Variants in DCC observed in about 807,000 individuals in gnomAD.
DCC encodes DCC netrin 1 receptor, also known as netrin receptor DCC.
Under a neutral mutation model 172.5 loss-of-function variants are expected in DCC, and 58 were observed. The observed-to-expected ratio is 0.34, with a 90% CI of 0.27 to 0.42. The LOEUF is 0.42. Among genes scored for constraint, DCC ranks in the 10% least tolerant of loss-of-function variants. The pLI is 1.00. For missense variants in DCC, 1,740 were observed against 1,791.0 expected (o/e 0.97, Z 0.51); for synonymous variants, 709 against 644.5 (o/e 1.10, Z -1.52).
chr18:53,393,364 T>G (rs1908698800), intron 17 of DCC, among the ~76,000 whole-genome samples: 3 of 152,152 alleles, frequency 2.0e-5, no homozygotes. Flanking sequence ...TTAGGTGAGG[T>G]ATTTGGAAGA....
intron 1 of DCC, among the ~76,000 whole-genome samples, chr18:52,561,569 G>A (rs889216054): frequency 2.6e-5 from 4 of 151,934 alleles, no homozygotes; most frequent in African/African-American, 4.8e-5. Flanking sequence ...GAGTGTGCTC[G>A]AAAAAGCGAA....
chr18:52,919,183 A>G (rs937505731), intron 3 of DCC, among the ~76,000 whole-genome samples: 2 of 152,212 alleles, frequency 1.3e-5, no homozygotes, highest in Non-Finnish European at 2.9e-5. Context: ...CAAAAGCTGT[A>G]AGGCCTTTTG....
intron 5 of DCC, among the ~76,000 whole-genome samples, chr18:53,010,385 G>C (rs1332791156): frequency 6.6e-6 from 1 of 151,468 alleles, no homozygotes; most frequent in Non-Finnish European, 1.5e-5. Flanking sequence ...ATTTTGCCAA[G>C]TTTGAAACAC....
intron 1 of DCC, among the ~76,000 whole-genome samples, chr18:52,390,940 C>G (rs1053535682): frequency 1.3e-5 from 2 of 151,962 alleles, no homozygotes; most frequent in African/African-American, 2.4e-5. Context: ...GAAGTTTGTC[C>G]CCTCCATTAC....
chr18:52,856,201 GTAAGT>G (rs1458185563), intron 2 of DCC, among the ~76,000 whole-genome samples: 1 of 152,144 alleles, frequency 6.6e-6, no homozygotes, highest in Non-Finnish European at 1.5e-5. Flanking sequence ...CCTTGAATAA[GTAAGT>G]TAATTTAAAT....
intron 21 of DCC, among the ~76,000 whole-genome samples, chr18:53,432,083 A>T (rs1911653955): frequency 6.6e-6 from 1 of 152,182 alleles, no homozygotes; most frequent in African/African-American, 2.4e-5. Context: ...GACTGAAAAT[A>T]AAACATTTTT....
At chr18:52,998,381 T>C (rs1054212045) in intron 5 of DCC, among the ~76,000 whole-genome samples, 2 of 152,068 alleles carry the variant, frequency 1.3e-5, no homozygotes, top group Non-Finnish European at 2.9e-5. Context: ...CAAGCTTATA[T>C]GGAAACAGCA....
chr18:52,851,630 C>T (rs1001701478), intron 2 of DCC, among the ~76,000 whole-genome samples: 2 of 152,058 alleles, frequency 1.3e-5, no homozygotes, highest in Admixed American at 1.3e-4. Context: ...CTTTTCCAAA[C>T]AAATAGCAAA....
At chr18:52,600,364 A>C (rs1198932858) in intron 1 of DCC, among the ~76,000 whole-genome samples, 2 of 152,166 alleles carry the variant, frequency 1.3e-5, no homozygotes, top group Admixed American at 6.5e-5. Context: ...TGCATTGGTC[A>C]TTTGCACTCT....
intron 15 of DCC, among the ~76,000 whole-genome samples, chr18:53,347,856 C>T (rs1403222474): frequency 2.6e-5 from 4 of 152,104 alleles, no homozygotes; most frequent in Non-Finnish European, 4.4e-5. Context: ...TCATGAGGCT[C>T]ATTCACTATC....
intron 2 of DCC, among the ~76,000 whole-genome samples, chr18:52,897,141 C>G (rs921658292): frequency 3.3e-5 from 5 of 152,122 alleles, no homozygotes; most frequent in Non-Finnish European, 7.4e-5. Context: ...CCCAAATGGC[C>G]GTCTGTTTCT....
chr18:53,090,285 A>G (rs775388109), intron 7 of DCC, among the ~76,000 whole-genome samples: 1 of 152,172 alleles, frequency 6.6e-6, no homozygotes, highest in East Asian at 1.9e-4. Context: ...CTAACAGTCC[A>G]TGAGGCCAGT....
chr18:52,492,401 A>G (rs1329463572), intron 1 of DCC, among the ~76,000 whole-genome samples: 3 of 151,952 alleles, frequency 2.0e-5, no homozygotes, highest in Non-Finnish European at 4.4e-5. Flanking sequence ...GAGAGATAAG[A>G]TCACTAAAGG....
intron 12 of DCC, among the ~76,000 whole-genome samples, chr18:53,284,279 T>C (rs985769632): frequency 2.0e-5 from 3 of 152,190 alleles, no homozygotes; most frequent in African/African-American, 7.2e-5. Flanking sequence ...AGGATAGATA[T>C]GGCTTTGCTG....
chr18:53,528,526 C>G (rs1032401862), intron 28 of DCC, among the ~76,000 whole-genome samples: 1 of 151,918 alleles, frequency 6.6e-6, no homozygotes, highest in Non-Finnish European at 1.5e-5. Context: ...AAGGTTGACT[C>G]TAAAGAATGG....
At chr18:53,374,878 G>C (rs1599079470) in intron 15 of DCC, among the ~76,000 whole-genome samples, 1 of 152,164 alleles carries the variant, frequency 6.6e-6, no homozygotes, top group African/African-American at 2.4e-5. Flanking sequence ...CTTAAAGTGA[G>C]GTATGGTAAA....
At chr18:53,194,988 A>G (rs537631001) in intron 9 of DCC, among the ~76,000 whole-genome samples, 5 of 152,200 alleles carry the variant, frequency 3.3e-5, no homozygotes, top group African/African-American at 9.6e-5. Flanking sequence ...TCAGGTAACA[A>G]TATTAACTAA....
chr18:53,431,676 G>A (rs541732484), intron 21 of DCC, among the ~76,000 whole-genome samples: 2 of 152,124 alleles, frequency 1.3e-5, no homozygotes, highest in South Asian at 2.1e-4. Context: ...GTAGAGACGA[G>A]GTTTTGCCAT....
At chr18:52,397,143 T>C (rs1986261553) in intron 1 of DCC, among the ~76,000 whole-genome samples, 1 of 152,054 alleles carries the variant, frequency 6.6e-6, no homozygotes, top group African/African-American at 2.4e-5. Context: ...TAGTAGTGAT[T>C]CTCAAACTTG....
Sources: allele counts gnomAD v4.1 joint callset (sites outside exome capture counted in the v4.1 genomes callset), GRCh38; gene constraint gnomAD v4.1.1; transcripts MANE v1.5; gene names NCBI Gene and HGNC (gene_info 2026-07-23, HGNC 2026-07-21).